The following POU2F1 variants were observed in gnomAD, a reference collection of about 807,000 sequenced individuals.
The protein encoded by POU2F1 is POU domain, class 2, transcription factor 1.
Under a neutral mutation model 84.9 loss-of-function variants are expected in POU2F1, and 16 were observed. That is an observed-to-expected ratio of 0.19 (90% CI 0.13 to 0.29). The LOEUF (loss-of-function observed/expected upper bound fraction) is 0.29. Ranked by LOEUF, POU2F1 falls within the 10% of genes least tolerant of loss-of-function variation. The probability of loss-of-function intolerance (pLI) is 1.00; values close to 1 mark genes in which losing one functional copy is unlikely to be tolerated. For missense variants in POU2F1, 738 were observed against 942.6 expected, an observed-to-expected ratio of 0.78 and a Z score of 2.84; for synonymous variants, 368 against 368.3, an observed-to-expected ratio of 1.00 and a Z score of 0.01.
intron 1 of POU2F1, among the ~76,000 whole-genome samples, chr1:167,246,338 C>CAGG (rs1170162822): frequency 6.6e-6 from 1 of 152,278 alleles, no homozygotes; most frequent in Non-Finnish European, 1.5e-5. Context: ...CTTTAGCCAC[C>CAGG]AGGAGTCTTA....
intron 1 of POU2F1, among the ~76,000 whole-genome samples, chr1:167,291,380 G>T (rs1015874085): frequency 2.6e-5 from 4 of 152,142 alleles, no homozygotes; most frequent in African/African-American, 9.7e-5. Flanking sequence ...ATAGGACAGC[G>T]GTGCTTAAGC....
chr1:167,237,356 A>G (rs1022642747), intron 1 of POU2F1, among the ~76,000 whole-genome samples: 2 of 152,150 alleles, frequency 1.3e-5, no homozygotes, highest in African/African-American at 4.8e-5. Context: ...TTGTCCTACT[A>G]TTTGGGATGG....
At chr1:167,264,957 A>G (rs952860301) in intron 1 of POU2F1, among the ~76,000 whole-genome samples, 3 of 152,164 alleles carry the variant, frequency 2.0e-5, no homozygotes, top group African/African-American at 7.2e-5. Context: ...ACAGATACCC[A>G]TGTAGTTCAC....
At chr1:167,242,301 T>C (rs1014410424) in intron 1 of POU2F1, among the ~76,000 whole-genome samples, 4 of 152,200 alleles carry the variant, frequency 2.6e-5, no homozygotes, top group Non-Finnish European at 5.9e-5. Flanking sequence ...GCACGAGAAT[T>C]TCAGCACTAT....
intron 1 of POU2F1, among the ~76,000 whole-genome samples, chr1:167,327,887 A>G (rs1251128916): frequency 6.6e-6 from 1 of 152,188 alleles, no homozygotes; most frequent in East Asian, 1.9e-4. Flanking sequence ...CAGTTTCCTT[A>G]CTTTAATAAT....
intron 2 of POU2F1, among the ~76,000 whole-genome samples, chr1:167,348,356 G>T (rs1444011685): frequency 6.6e-6 from 1 of 152,176 alleles, no homozygotes; most frequent in Non-Finnish European, 1.5e-5. Context: ...TAGCAGTGAA[G>T]TTGCTGGGTC....
Position 167,367,245 on chromosome 1 carries a change from C to G in POU2F1, c.228+1678C>G, listed in dbSNP as rs187934855. Among the ~76,000 whole-genome samples the G allele has an allele frequency of 3.3e-5, 5 of 152,304 alleles. No individual in the cohort carries two copies. The East Asian group carries it at 9.6e-4, about 29-fold the overall frequency. On this transcript the variant is annotated intron_variant, in intron 3 of 15. Coordinates refer to ENST00000367866, the MANE Select transcript of POU2F1 (RefSeq NM_002697.4). ...TTATTGACAGAATTAGCACCTTGAA[C>G]CTTTCCTTACCATAATTATAATATA...
At position 167,423,297 on chromosome 1, in the gene POU2F1, G is replaced by A. The variant is rs1034650690; in HGVS notation, c.*7487G>A. 2.0e-5 allele frequency: 3 copies of A among 152,178 alleles called. No homozygotes were observed. Among genetic ancestry groups the A allele is most frequent in the Admixed American group, 1.3e-4 (2 of 15,280 alleles). 9.4% of individuals were successfully genotyped at this position (152,178 alleles called of 1,614,324 possible). Reference sequence around the variant, plus strand: ...TGTACTATTGATAGGACACAGAAAGGGAGAGAGGGTAAAGAAATGTATCAC... The same window carrying A: ...TGTACTATTGATAGGACACAGAAAGAGAGAGAGGGTAAAGAAATGTATCAC... On this transcript the variant is annotated 3_prime_UTR_variant, in exon 16 of 16. Transcript: ENST00000367866.
intron 1 of POU2F1, among the ~76,000 whole-genome samples, chr1:167,294,183 A>AT (rs1217198336): frequency 1.9e-3 from 270 of 145,764 alleles, no homozygotes; most frequent in African/African-American, 6.9e-3. Context: ...AAAAAAAAAA[A>AT]AAAAAAAAAA....
chr1:167,373,464 G>A (rs1206891347), intron 5 of POU2F1, among the ~76,000 whole-genome samples: 1 of 152,144 alleles, frequency 6.6e-6, no homozygotes, highest in African/African-American at 2.4e-5. Flanking sequence ...TGGGCATTAG[G>A]GTTCATTTGC....
At chr1:167,398,466 G>C (rs1180298852) in intron 11 of POU2F1, among the ~76,000 whole-genome samples, 1 of 152,088 alleles carries the variant, frequency 6.6e-6, no homozygotes, top group East Asian at 1.9e-4. Context: ...CCCCCTCAGA[G>C]TGGGGGAGAA....
At chr1:167,249,419 CT>C (rs906163407) in intron 1 of POU2F1, among the ~76,000 whole-genome samples, 1 of 152,138 alleles carries the variant, frequency 6.6e-6, no homozygotes, top group Non-Finnish European at 1.5e-5. Flanking sequence ...GTTATGCCTT[CT>C]TTTTGTTTTT....
At position 167,397,694 on chromosome 1, in the gene POU2F1, C is replaced by T. The variant is rs562080006; in HGVS notation, c.1130-300C>T. 2.1e-4 allele frequency among the ~76,000 whole-genome samples: 32 copies of T among 152,174 alleles called. No individual in the cohort carries two copies. The South Asian group carries it at 4.6e-3, about 22-fold the overall frequency. On this transcript the variant is annotated intron_variant, in intron 10 of 15. Coordinates refer to ENST00000367866, the MANE Select transcript of POU2F1 (RefSeq NM_002697.4). Reference sequence around the variant, plus strand: ...CCAAGTAACTGGGACCACAGGCGCACGCCACTGTGCCCAGCTAATTTTTGT... The same window carrying T: ...CCAAGTAACTGGGACCACAGGCGCATGCCACTGTGCCCAGCTAATTTTTGT...
intron 1 of POU2F1, among the ~76,000 whole-genome samples, chr1:167,254,714 A>G (rs1651005080): frequency 6.6e-6 from 1 of 152,172 alleles, no homozygotes; most frequent in South Asian, 2.1e-4. Context: ...TCAGAGAAAA[A>G]GGTGATTCAG....
intron 10 of POU2F1, among the ~76,000 whole-genome samples, chr1:167,397,029 C>T (rs1648858278): frequency 2.0e-5 from 3 of 152,160 alleles, no homozygotes; most frequent in Non-Finnish European, 2.9e-5. Flanking sequence ...TTGGAAAAGA[C>T]AAACCTGAAA....
At position 167,415,636 on chromosome 1, in the gene POU2F1, C is replaced by T. The variant is rs1158754424; in HGVS notation, c.2127C>T (p.Thr709=). 6.2e-7 allele frequency: 1 copy of T among 1,614,204 alleles called. No individual in the cohort carries two copies. Residue 709 remains threonine (T), a synonymous_variant, in exon 16 of 16, where the codon ACC becomes ACT. Transcript: ENST00000367866. ...ACCCTCAGAACCTCTCTCTGCTCAC[C>T]AGCAACCCTGTTAGCTTGGTCTCTG... ...FLNPQNLSLL[T]SNPVSLVSAA...
intron 1 of POU2F1, among the ~76,000 whole-genome samples, chr1:167,297,582 T>G (rs909864530): frequency 6.6e-6 from 1 of 152,168 alleles, no homozygotes; most frequent in Non-Finnish European, 1.5e-5. Context: ...CAGAATTGAA[T>G]AAAAATTTGA....
chr1:167,401,786 T>C (rs1468314865), intron 13 of POU2F1, among the ~76,000 whole-genome samples: 1 of 152,248 alleles, frequency 6.6e-6, no homozygotes, highest in Non-Finnish European at 1.5e-5. Context: ...TTATTTCCGG[T>C]CTGAACCTGA....
chr1:167,278,939 T>G (rs1039000232), intron 1 of POU2F1, among the ~76,000 whole-genome samples: 3 of 152,158 alleles, frequency 2.0e-5, no homozygotes, highest in African/African-American at 4.8e-5. Context: ...AATAAAATGA[T>G]CATCTGAAAG....
Sources: allele counts gnomAD v4.1 joint callset (sites outside exome capture counted in the v4.1 genomes callset), GRCh38; gene constraint gnomAD v4.1.1; transcripts MANE v1.5; gene names NCBI Gene and HGNC (gene_info 2026-07-23, HGNC 2026-07-21).